PPP1R9A: variants seen among roughly 807,000 people sequenced by gnomAD.
PPP1R9A encodes the protein neurabin-1.
A neutral mutation model predicts 141.9 loss-of-function variants in PPP1R9A; 59 were observed. The observed-to-expected ratio is 0.42, with a 90% CI of 0.34 to 0.52. The LOEUF (loss-of-function observed/expected upper bound fraction) is 0.52. PPP1R9A is among the 20% of genes least tolerant of loss of function. The pLI, the probability that PPP1R9A is intolerant of heterozygous loss-of-function variation, is 0.10. For missense variants in PPP1R9A, 1,444 were observed against 1,611.9 expected, an observed-to-expected ratio of 0.90 and a Z score of 1.78; for synonymous variants, 500 against 569.7, an observed-to-expected ratio of 0.88 and a Z score of 1.74.
intron 2 of PPP1R9A, among the ~76,000 whole-genome samples, chr7:95,054,157 C>A (rs1811189388): frequency 6.8e-6 from 1 of 147,992 alleles, no homozygotes; most frequent in Admixed American, 6.8e-5. Context: ...TGCTCTCTTG[C>A]CCAGCTGGAG....
At chr7:95,152,963 C>T (rs1828977789) in intron 4 of PPP1R9A, among the ~76,000 whole-genome samples, 1 of 151,912 alleles carries the variant, frequency 6.6e-6, no homozygotes, top group African/African-American at 2.4e-5. Context: ...GATTCTCCTG[C>T]CTCAGCCTCC....
chr7:94,922,967 T>C (rs1793031741), intron 2 of PPP1R9A, among the ~76,000 whole-genome samples: 1 of 152,170 alleles, frequency 6.6e-6, no homozygotes, highest in African/African-American at 2.4e-5. Flanking sequence ...TACTTTTATT[T>C]GGAGGACAAC....
At chr7:95,094,879 CAAAAAAA>C (rs1166550834) in intron 2 of PPP1R9A, among the ~76,000 whole-genome samples, 24 of 44,992 alleles carry the variant, frequency 5.3e-4, no homozygotes, top group South Asian at 1.4e-3. Flanking sequence ...GACTGCGTCT[CAAAAAAA>C]AAAAAAAAAA....
intron 2 of PPP1R9A, among the ~76,000 whole-genome samples, chr7:94,958,072 A>G (rs1360553389): frequency 6.6e-6 from 1 of 152,062 alleles, no homozygotes; most frequent in Non-Finnish European, 1.5e-5. Flanking sequence ...TGAGGACAAG[A>G]CATACTTTGT....
intron 2 of PPP1R9A, among the ~76,000 whole-genome samples, chr7:95,042,708 T>C (rs1179890794): frequency 6.6e-6 from 1 of 152,130 alleles, no homozygotes; most frequent in Non-Finnish European, 1.5e-5. Context: ...TTCTTGTCGA[T>C]GTTGAATTTA....
At chr7:95,070,999 AAG>A (rs931266462) in intron 2 of PPP1R9A, among the ~76,000 whole-genome samples, 9 of 151,930 alleles carry the variant, frequency 5.9e-5, no homozygotes, top group Non-Finnish European at 1.3e-4. Context: ...CAAGGGGAAA[AAG>A]AGGAGACAGG....
At chr7:95,130,111 T>A (rs1824315729) in intron 4 of PPP1R9A, among the ~76,000 whole-genome samples, 1 of 152,112 alleles carries the variant, frequency 6.6e-6, no homozygotes, top group South Asian at 2.1e-4. Context: ...CCAGGGCATA[T>A]CAGAGGTCTT....
At chr7:94,908,368 A>G (rs1438959917) in intron 1 of PPP1R9A, 3 of 151,726 alleles carry the variant, frequency 2.0e-5, no homozygotes, top group Admixed American at 6.6e-5. Context: ...TTTCTTTTCT[A>G]TTTTTTTAAA....
At chr7:94,933,045 T>C (rs1794350587) in intron 2 of PPP1R9A, among the ~76,000 whole-genome samples, 2 of 151,932 alleles carry the variant, frequency 1.3e-5, no homozygotes, top group Non-Finnish European at 1.5e-5. Flanking sequence ...CATATATATA[T>C]ACACATATTT....
At chr7:95,174,006 C>T (rs947444460) in intron 5 of PPP1R9A, among the ~76,000 whole-genome samples, 1 of 152,038 alleles carries the variant, frequency 6.6e-6, no homozygotes, top group African/African-American at 2.4e-5. Context: ...AGCAATTCCG[C>T]ACCTCGGTAT....
intron 2 of PPP1R9A, among the ~76,000 whole-genome samples, chr7:95,024,670 C>G (rs1476370707): frequency 2.0e-5 from 3 of 151,974 alleles, no homozygotes; most frequent in African/African-American, 4.8e-5. Context: ...CTATGTGTAT[C>G]TTAGCACATG....
intron 2 of PPP1R9A, among the ~76,000 whole-genome samples, chr7:95,025,151 C>G (rs767870897): frequency 2.9e-4 from 44 of 152,102 alleles, no homozygotes; most frequent in Admixed American, 7.9e-4. Context: ...ACTGCAACCT[C>G]TGCCTCCTGG....
intron 2 of PPP1R9A, among the ~76,000 whole-genome samples, chr7:95,032,490 A>G (rs1048761813): frequency 6.6e-6 from 1 of 152,214 alleles, no homozygotes; most frequent in African/African-American, 2.4e-5. Flanking sequence ...ATCTACCCTT[A>G]TCTAAAGCTT....
chr7:94,993,525 A>C (rs1801778837), intron 2 of PPP1R9A, among the ~76,000 whole-genome samples: 1 of 152,190 alleles, frequency 6.6e-6, no homozygotes, highest in Non-Finnish European at 1.5e-5. Flanking sequence ...TTTTGTGAAC[A>C]AGCTGTAGCT....
chr7:95,048,853 G>A (rs1452557218), intron 2 of PPP1R9A, among the ~76,000 whole-genome samples: 2 of 151,814 alleles, frequency 1.3e-5, no homozygotes, highest in African/African-American at 2.4e-5. Context: ...CCCTATGACA[G>A]CTATTATTTT....
intron 2 of PPP1R9A, among the ~76,000 whole-genome samples, chr7:95,100,449 A>G (rs1485603849): frequency 6.6e-6 from 1 of 152,176 alleles, no homozygotes; most frequent in Non-Finnish European, 1.5e-5. Context: ...GGAGATATGA[A>G]TTGAGAGGAC....
chr7:95,192,455 A>G (rs890891677), intron 5 of PPP1R9A, among the ~76,000 whole-genome samples: 5 of 152,064 alleles, frequency 3.3e-5, no homozygotes, highest in African/African-American at 1.2e-4. Flanking sequence ...AAGATGATAC[A>G]TGATCTATTG....
chr7:95,033,321 T>G (rs1221313939), intron 2 of PPP1R9A, among the ~76,000 whole-genome samples: 1 of 151,886 alleles, frequency 6.6e-6, no homozygotes, highest in East Asian at 1.9e-4. Context: ...GCCTAATTTT[T>G]TATTTTTAAG....
chr7:95,075,933 A>C (rs77362477), intron 2 of PPP1R9A, among the ~76,000 whole-genome samples: 1,755 of 152,268 alleles, frequency 0.012, 43 homozygotes, highest in African/African-American at 0.039. Context: ...GTAACTAGAA[A>C]ATGTATAGTA....
Sources: gnomAD v4.1 joint callset for allele counts (sites outside exome capture counted in the v4.1 genomes callset) on GRCh38, gnomAD v4.1.1 for gene constraint, MANE v1.5 for transcripts, NCBI Gene and HGNC (gene_info 2026-07-23, HGNC 2026-07-21) for gene names.